TCF20: variants seen among roughly 807,000 people sequenced by gnomAD.
TCF20 encodes the protein transcription factor 20.
A neutral mutation model predicts 148.6 loss-of-function variants in TCF20; 3 were observed. The observed-to-expected ratio is 0.02, with a 90% CI of 0.01 to 0.05. TCF20 has a LOEUF of 0.05. Among genes scored for constraint, TCF20 ranks in the 10% least tolerant of loss-of-function variants. The pLI is 1.00. For synonymous variants in TCF20, 1,049 were observed against 909.5 expected (o/e 1.15, Z -2.76); for missense variants, 2,350 against 2,429.3 (o/e 0.97, Z 0.69).
chr22:42,331,477 G>A (rs1927974071), intron 1 of TCF20, among the ~76,000 whole-genome samples: 1 of 152,218 alleles, frequency 6.6e-6, no homozygotes, highest in Admixed American at 6.5e-5. Context: ...AGTCAGACAG[G>A]AACCCAGGTC....
chr22:42,330,331 C>T (rs567678945), intron 1 of TCF20, among the ~76,000 whole-genome samples: 64 of 152,318 alleles, frequency 4.2e-4, no homozygotes, highest in Admixed American at 3.4e-3. Context: ...CCCTGAGGCA[C>T]TGACGTTTGC....
intron 2 of TCF20, among the ~76,000 whole-genome samples, chr22:42,193,634 T>C (rs944996177): frequency 1.3e-5 from 2 of 152,072 alleles, no homozygotes; most frequent in African/African-American, 4.8e-5. Flanking sequence ...AGGCCCAAGA[T>C]TTAAGTGTCT....
upstream of TCF20, among the ~76,000 whole-genome samples, chr22:42,288,154 G>C (rs1407979279): frequency 6.6e-6 from 1 of 152,176 alleles, no homozygotes; most frequent in Non-Finnish European, 1.5e-5. Context: ...CAGCATTCTG[G>C]GAGGCCAACG....
chr22:42,343,007 T>TA (rs1928194903), intron 1 of TCF20, among the ~76,000 whole-genome samples: 1 of 152,158 alleles, frequency 6.6e-6, no homozygotes, highest in East Asian at 1.9e-4. Flanking sequence ...AAGGCTGAAA[T>TA]AAAAAACGCA....
intron 1 of TCF20, among the ~76,000 whole-genome samples, chr22:42,334,040 G>T (rs1301392929): frequency 5.3e-5 from 8 of 152,178 alleles, no homozygotes; most frequent in African/African-American, 1.9e-4. Flanking sequence ...GGTACCCTTG[G>T]TGTCAGAGGG....
chr22:42,291,333 A>C (rs940995281), intron 1 of TCF20, among the ~76,000 whole-genome samples: 2 of 152,196 alleles, frequency 1.3e-5, no homozygotes, highest in Non-Finnish European at 2.9e-5. Flanking sequence ...CCTTGGGGTT[A>C]GACAGGGCTT....
chr22:42,310,234 G>T (rs924906237), intron 1 of TCF20, among the ~76,000 whole-genome samples: 15 of 152,198 alleles, frequency 9.9e-5, no homozygotes, highest in Non-Finnish European at 2.2e-4. Flanking sequence ...GTAGGAAATG[G>T]AAAGTGTTTA....
Position 42,209,867 on chromosome 22 carries a change from A to G in TCF20, c.5439T>C (p.Thr1813=). ...AAACAGTCTTTTCACTGCTGCCCTC[A>G]GTGGCTGCTTTTTTACAAGGGAGCC... ...SRGLPCKKAA[T]EGSSEKTVLD... Residue 1813 remains threonine (T), a synonymous_variant, in exon 2 of 6, where the codon ACT becomes ACC. Transcript: ENST00000677622. The G allele has an allele frequency of 3.1e-6, 5 of 1,614,170 alleles. No homozygotes were observed. The highest frequency in any genetic ancestry group is 4.2e-6 in the Non-Finnish European group (5 of 1,180,016).
At chr22:42,241,404 A>G (rs1336980021) in intron 1 of TCF20, among the ~76,000 whole-genome samples, 2 of 152,240 alleles carry the variant, frequency 1.3e-5, no homozygotes, top group Non-Finnish European at 2.9e-5. Flanking sequence ...TAGGAAATAA[A>G]AGCGAAGTTT....
chr22:42,307,358 G>A (rs145431181), intron 1 of TCF20, among the ~76,000 whole-genome samples: 5 of 152,194 alleles, frequency 3.3e-5, no homozygotes, highest in South Asian at 2.1e-4. Flanking sequence ...CCAGAGTGGC[G>A]GACAGCTGGG....
chr22:42,169,805 C>A (rs373865572), intron 4 of TCF20, 42 bp downstream of exon 4: 4 of 1,610,114 alleles, frequency 2.5e-6, no homozygotes, highest in African/African-American at 2.7e-5. Context: ...GAGCCACCCT[C>A]GATCCCATCC....
At chr22:42,288,068 C>A (rs1927063937), upstream of TCF20, among the ~76,000 whole-genome samples, 1 of 152,158 alleles carries the variant, frequency 6.6e-6, no homozygotes, top group Non-Finnish European at 1.5e-5. Flanking sequence ...CCCTCTTGAG[C>A]TCCCAGGAGA....
At chr22:42,238,038 A>G (rs1924036546) in intron 1 of TCF20, among the ~76,000 whole-genome samples, 1 of 152,218 alleles carries the variant, frequency 6.6e-6, no homozygotes, top group Non-Finnish European at 1.5e-5. Flanking sequence ...TGTCTTTTGA[A>G]GCCAGGCACT....
rs112912507 is a variant in TCF20 at position 42,277,991 on chromosome 22, G to T, written c.-37+5836C>A. ...GTTGAACCAGTGACCAGGACAAGAC[G>T]CTTATCAGCATTTCCCTGCGAAGGA... On this transcript the variant is annotated intron_variant, in intron 1 of 5. Coordinates refer to the TCF20 transcript ENST00000359486. 1.8e-3 allele frequency among the ~76,000 whole-genome samples: 269 copies of T among 152,338 alleles called. 1 individual carries two copies. The highest frequency in any genetic ancestry group is 0.01 in the Middle Eastern group (3 of 294).
chr22:42,213,141 C>A lies in TCF20; in HGVS notation c.2165G>T (p.Ser722Ile). The A allele has an allele frequency of 1.2e-6, 2 of 1,614,204 alleles. No homozygotes were observed. The highest frequency in any genetic ancestry group is 1.7e-5 in the Admixed American group (1 of 60,024). ...CCCTGTAGGATACTGAGGAAAGCCACTGACATTTCGTGGCACGGCTGACCC... is the reference window on the plus strand; with the variant it reads ...CCCTGTAGGATACTGAGGAAAGCCAATGACATTTCGTGGCACGGCTGACCC... ...SFGSAVPRNV[S>I]GFPQYPTGQE... is the part of the protein sequence containing the mutation. The change falls in exon 2 of 6, where the codon AGT becomes ATT. Residue 722 changes from serine to isoleucine, a missense_variant. By Grantham distance (142) the Ser-to-Ile change is moderately radical (BLOSUM62 -2). Coordinates refer to ENST00000677622, the MANE Select transcript of TCF20 (RefSeq NM_001378418.1).
intron 2 of TCF20, among the ~76,000 whole-genome samples, chr22:42,186,899 G>A (rs569929754): frequency 6.6e-5 from 10 of 152,334 alleles, no homozygotes; most frequent in East Asian, 1.9e-4. Flanking sequence ...GCAGGATTTC[G>A]AAAGCATTGA....
In TCF20 at chr22:42,210,994, G is replaced by C. The variant is rs771336001; in HGVS notation, c.4312C>G (p.Arg1438Gly). ...TTCACTTTGTCATCCACGCTGCCAC[G>C]CCACTCTTCTGAAGACCTTGGAAGA... The part of the protein sequence containing the change: ...KPLPRSSEEW[R>G]GSVDDKVKTE... Residue 1438 changes from arginine to glycine, a missense_variant, in exon 2 of 6, where the codon CGT becomes GGT. By Grantham distance (125) the Arg-to-Gly change is moderately radical. This residue lies in a region of TCF20 where 231 missense variants were observed against 213.7 expected (regional missense o/e 1.08). Coordinates refer to ENST00000677622, the MANE Select transcript of TCF20 (RefSeq NM_001378418.1). The surrounding 1 kb of genome is among the most constrained non-coding windows in gnomAD (Gnocchi z 4.7). 6.2e-7 allele frequency: 1 copy of C among 1,614,046 alleles called. No individual in the cohort carries two copies. Among genetic ancestry groups the C allele is most frequent in the East Asian group, 2.2e-5 (1 of 44,864 alleles).
At chr22:42,293,808 C>A (rs750615418) in intron 1 of TCF20, among the ~76,000 whole-genome samples, 1 of 152,152 alleles carries the variant, frequency 6.6e-6, no homozygotes, top group Non-Finnish European at 1.5e-5. Context: ...GAGACCAGCC[C>A]GACCAACATG....
At chr22:42,165,681 C>T (rs780517577) in intron 5 of TCF20, among the ~76,000 whole-genome samples, 15 of 152,358 alleles carry the variant, frequency 9.8e-5, no homozygotes, top group Admixed American at 4.6e-4. Flanking sequence ...AGGGTCCAAT[C>T]TGCTGCCTTG....
Sources: allele counts gnomAD v4.1 joint callset (sites outside exome capture counted in the v4.1 genomes callset), GRCh38; gene constraint gnomAD v4.1.1; regional missense constraint gnomAD v4.1.1; non-coding constraint Gnocchi (gnomAD v3.1); transcripts MANE v1.5; gene names NCBI Gene and HGNC (gene_info 2026-07-23, HGNC 2026-07-21).